LRRC28: variants seen among roughly 807,000 people sequenced by gnomAD.
LRRC28 encodes the protein leucine rich repeat containing 28.
LRRC28 carries 39 observed loss-of-function variants against 45.7 expected under a neutral mutation model. That is an observed-to-expected ratio of 0.85 (90% CI 0.66 to 1.12). The LOEUF is 1.12. LRRC28 is among the 50% of genes most tolerant of loss of function. LRRC28 has a pLI of 0.00. For missense variants in LRRC28, 435 were observed against 438.5 expected (o/e 0.99, Z 0.07); for synonymous variants, 206 against 178.8 (o/e 1.15, Z -1.22).
chr15:99,300,717 T>A (rs960195460), intron 5 of LRRC28, among the ~76,000 whole-genome samples: 3 of 152,058 alleles, frequency 2.0e-5, no homozygotes, highest in African/African-American at 7.2e-5. Flanking sequence ...TCCCAGCCCC[T>A]CAGGAAGCTG....
chr15:99,266,151 T>A (rs1351126423), intron 2 of LRRC28, among the ~76,000 whole-genome samples: 1 of 152,172 alleles, frequency 6.6e-6, no homozygotes, highest in Non-Finnish European at 1.5e-5. Flanking sequence ...GAAAGAGAGA[T>A]CTGTCAATCA....
At chr15:99,351,737 G>T (rs1421070559) in intron 6 of LRRC28, among the ~76,000 whole-genome samples, 1 of 152,194 alleles carries the variant, frequency 6.6e-6, no homozygotes, top group African/African-American at 2.4e-5. Context: ...AAGTTATTCA[G>T]TGGCACTTGT....
chr15:99,252,472 T>C (rs895822176), intron 1 of LRRC28, among the ~76,000 whole-genome samples: 1 of 152,336 alleles, frequency 6.6e-6, no homozygotes, highest in South Asian at 2.1e-4. Context: ...AGGGACTGTC[T>C]TATTGAATCT....
At chr15:99,295,431 T>C (rs764417763) in intron 5 of LRRC28, among the ~76,000 whole-genome samples, 1 of 152,204 alleles carries the variant, frequency 6.6e-6, no homozygotes, top group Non-Finnish European at 1.5e-5. Flanking sequence ...TAAAGGATTG[T>C]TGGGGAAAGG....
At chr15:99,373,416 G>A (rs574841043) in intron 9 of LRRC28, among the ~76,000 whole-genome samples, 31 of 152,076 alleles carry the variant, frequency 2.0e-4, no homozygotes, top group Admixed American at 1.1e-3. Context: ...TGGGTACATA[G>A]TAGATATATA....
intron 9 of LRRC28, among the ~76,000 whole-genome samples, chr15:99,375,971 G>T (rs531821729): frequency 1.1e-4 from 16 of 151,454 alleles, no homozygotes; most frequent in Non-Finnish European, 2.4e-4. Flanking sequence ...GGCTTATTTT[G>T]TCCTTTTTTT....
chr15:99,335,426 G>T (rs7182425), intron 6 of LRRC28, among the ~76,000 whole-genome samples: 59,520 of 152,018 alleles, frequency 0.39, 12,298 homozygotes, highest in African/African-American at 0.54. Flanking sequence ...GAATTATAAA[G>T]CACTGTACAA....
chr15:99,385,045 C>T (rs35307219), intron 9 of LRRC28, among the ~76,000 whole-genome samples: 2 of 152,152 alleles, frequency 1.3e-5, no homozygotes, highest in Non-Finnish European at 2.9e-5. Context: ...ATCCTTGGGC[C>T]TGAAGGGCAA....
chr15:99,334,248 A>C, intron 6 of LRRC28, 119 bp downstream of exon 6: 1 of 1,192,898 alleles, frequency 8.4e-7, no homozygotes. Flanking sequence ...TTGCTTCTCT[A>C]AGTTTGTTTT....
intron 9 of LRRC28, among the ~76,000 whole-genome samples, chr15:99,363,760 G>A (rs1359734398): frequency 6.6e-6 from 1 of 151,842 alleles, no homozygotes; most frequent in African/African-American, 2.4e-5. Context: ...TTTATTTCTT[G>A]GCACATTGCC....
chr15:99,387,227 A>ATT lies in LRRC28; in HGVS notation c.*1130_*1131dup, dbSNP rs368894187. The ATT allele has an allele frequency of 2.0e-5, 3 of 147,590 alleles. No individual in the cohort carries two copies. Among genetic ancestry groups the ATT allele is most frequent in the Non-Finnish European group, 1.5e-5 (1 of 66,820 alleles). The allele number at this position is 147,590 out of a possible 1,614,324, so 9.1% of individuals were successfully genotyped here. On this transcript the variant is annotated 3_prime_UTR_variant, in exon 10 of 10. Coordinates refer to ENST00000301981, the MANE Select transcript of LRRC28 (RefSeq NM_144598.5). ...AGGCGCCCGCCACCACGCCCGGCTA[A>ATT]TTTTTTGTATTTTTAGTAGAGACGG...
chr15:99,262,182 A>T (rs1247080648), intron 2 of LRRC28, among the ~76,000 whole-genome samples: 1 of 152,116 alleles, frequency 6.6e-6, no homozygotes, highest in African/African-American at 2.4e-5. Context: ...ACTAACCTCT[A>T]GGCCAATAGA....
At chr15:99,380,855 G>T (rs538439947) in intron 9 of LRRC28, among the ~76,000 whole-genome samples, 2 of 152,304 alleles carry the variant, frequency 1.3e-5, no homozygotes, top group East Asian at 3.9e-4. Flanking sequence ...AATGTTGACT[G>T]TTGGTCCCCA....
intron 5 of LRRC28, among the ~76,000 whole-genome samples, chr15:99,310,795 A>G (rs948217651): frequency 1.3e-5 from 2 of 152,210 alleles, no homozygotes; most frequent in African/African-American, 2.4e-5. Flanking sequence ...TGCCAACACT[A>G]TACTCTTCTG....
intron 6 of LRRC28, among the ~76,000 whole-genome samples, chr15:99,339,590 G>A (rs746827366): frequency 1.4e-4 from 21 of 152,084 alleles, no homozygotes; most frequent in Non-Finnish European, 2.4e-4. Flanking sequence ...AATTAGCTGG[G>A]TGTGGTGGCA....
At chr15:99,304,291 A>G (rs1955098140) in intron 5 of LRRC28, among the ~76,000 whole-genome samples, 1 of 152,188 alleles carries the variant, frequency 6.6e-6, no homozygotes. Flanking sequence ...TCTGGATACA[A>G]GTCATTTATC....
chr15:99,347,426 C>G (rs1373402506), intron 6 of LRRC28, among the ~76,000 whole-genome samples: 1 of 152,166 alleles, frequency 6.6e-6, no homozygotes, highest in East Asian at 1.9e-4. Context: ...CCAGGATGGT[C>G]TTGATCTCCT....
intron 9 of LRRC28, among the ~76,000 whole-genome samples, chr15:99,366,953 C>T (rs1281143175): frequency 2.0e-5 from 3 of 152,188 alleles, no homozygotes; most frequent in African/African-American, 7.2e-5. Flanking sequence ...TGTTTCACTT[C>T]TTGTCACCAA....
chr15:99,376,816 T>TA (rs1204249847), intron 9 of LRRC28, among the ~76,000 whole-genome samples: 1 of 152,214 alleles, frequency 6.6e-6, no homozygotes, highest in Non-Finnish European at 1.5e-5. Context: ...GTCCTTGTGA[T>TA]AATTTGCTGA....
Sources: gnomAD v4.1 joint callset for allele counts (sites outside exome capture counted in the v4.1 genomes callset) on GRCh38, gnomAD v4.1.1 for gene constraint, MANE v1.5 for transcripts, NCBI Gene and HGNC (gene_info 2026-07-23, HGNC 2026-07-21) for gene names.